XKR4: variants seen among roughly 807,000 people sequenced by gnomAD.
XKR4 encodes the protein XK-related protein 4.
Under a neutral mutation model 53.9 loss-of-function variants are expected in XKR4, and 12 were observed. That is an observed-to-expected ratio of 0.22 (90% CI 0.14 to 0.36). The LOEUF is 0.36. Ranked by LOEUF, XKR4 falls within the 10% of genes least tolerant of loss-of-function variation. XKR4 has a pLI of 1.00. For synonymous variants in XKR4, 354 were observed against 362.4 expected, an observed-to-expected ratio of 0.98 and a Z score of 0.26; for missense variants, 799 against 859.5, an observed-to-expected ratio of 0.93 and a Z score of 0.88.
chr8:55,130,602 C>T (rs960745732), intron 1 of XKR4, among the ~76,000 whole-genome samples: 2 of 152,194 alleles, frequency 1.3e-5, no homozygotes, highest in Non-Finnish European at 2.9e-5. Context: ...GACAGAGCCT[C>T]AGTTTGCAAT....
chr8:55,308,906 T>A (rs1288604255), intron 1 of XKR4, among the ~76,000 whole-genome samples: 1 of 152,146 alleles, frequency 6.6e-6, no homozygotes, highest in Non-Finnish European at 1.5e-5. Flanking sequence ...ATGGAGAGAT[T>A]CTCCTGGATT....
intron 1 of XKR4, among the ~76,000 whole-genome samples, chr8:55,346,993 C>T (rs1351516755): frequency 2.0e-5 from 3 of 152,098 alleles, no homozygotes; most frequent in African/African-American, 7.2e-5. Context: ...ATGTAACACT[C>T]GGTCAAATCT....
chr8:55,415,398 G>A (rs760608983), intron 2 of XKR4, among the ~76,000 whole-genome samples: 3 of 152,156 alleles, frequency 2.0e-5, no homozygotes, highest in African/African-American at 7.2e-5. Context: ...AAAAAGTAAT[G>A]ATTATGTCAG....
intron 2 of XKR4, among the ~76,000 whole-genome samples, chr8:55,401,559 C>T (rs983916580): frequency 1.6e-4 from 24 of 152,192 alleles, no homozygotes; most frequent in Non-Finnish European, 2.2e-4. Context: ...TGCAGAACCT[C>T]CTTGGGGATT....
intron 1 of XKR4, among the ~76,000 whole-genome samples, chr8:55,296,013 CAG>C (rs1254859574): frequency 1.3e-5 from 2 of 152,058 alleles, no homozygotes; most frequent in Non-Finnish European, 2.9e-5. Context: ...CATAGATAAA[CAG>C]AAGTTTATTT....
intron 2 of XKR4, among the ~76,000 whole-genome samples, chr8:55,429,267 G>GA (rs1197460304): frequency 1.3e-5 from 2 of 152,180 alleles, no homozygotes; most frequent in African/African-American, 4.8e-5. Flanking sequence ...TCTTATACAA[G>GA]AATTAATTCA....
rs542256933 is a variant in XKR4, at chr8:55,442,427, A to G, written c.1007-80854A>G. The stretch of plus-strand genomic sequence containing the variant: ...TGTTTTGGAAAACAGTTTGAAACAC[A>G]GTTCCTCAAAAAGCTAAACACAGAG... On this transcript the variant is annotated intron_variant, in intron 2 of 2. Coordinates refer to ENST00000327381, the MANE Select transcript of XKR4 (RefSeq NM_052898.2). Among the ~76,000 whole-genome samples the G allele has an allele frequency of 2.3e-3, 355 of 152,352 alleles. 4 individuals carry two copies. The highest frequency in any genetic ancestry group is 8.0e-3 in the African/African-American group (331 of 41,582).
At position 55,331,507 on chromosome 8, in the gene XKR4, C is replaced by G. The variant is rs575820241; in HGVS notation, c.807-26171C>G. Among the ~76,000 whole-genome samples the G allele has an allele frequency of 1.0e-3, 156 of 151,914 alleles. 2 individuals are homozygous for G. Among genetic ancestry groups the G allele is most frequent in the African/African-American group, 3.5e-3 (145 of 41,484 alleles). On this transcript the variant is annotated intron_variant, in intron 1 of 2. Coordinates refer to ENST00000327381, the MANE Select transcript of XKR4 (RefSeq NM_052898.2). ...TCAAATCTTCTATTTCCTTGTTCAT[C>G]TTTTTTTTAGTGCTCTATCCATTAC...
At chr8:55,341,053 GTC>G in intron 1 of XKR4, among the ~76,000 whole-genome samples, 1 of 152,192 alleles carries the variant, frequency 6.6e-6, no homozygotes, top group Non-Finnish European at 1.5e-5. Flanking sequence ...GAGGATTTAT[GTC>G]TAGAGAAAGA....
chr8:55,293,280 A>G (rs1819056343), intron 1 of XKR4, among the ~76,000 whole-genome samples: 1 of 152,188 alleles, frequency 6.6e-6, no homozygotes, highest in Non-Finnish European at 1.5e-5. Context: ...GGTTGCAGTG[A>G]GCCGAGATTG....
At chr8:55,454,103 G>C in intron 2 of XKR4, 1 of 826,540 alleles carries the variant, frequency 1.2e-6, no homozygotes, top group Non-Finnish European at 2.1e-6. Flanking sequence ...GGAGGGGGAC[G>C]TCATGGGTGG....
At chr8:55,320,270 C>T (rs1215433960) in intron 1 of XKR4, among the ~76,000 whole-genome samples, 2 of 152,128 alleles carry the variant, frequency 1.3e-5, no homozygotes, top group Non-Finnish European at 2.9e-5. Context: ...TCAGAACTTG[C>T]TTGACTTCTG....
chr8:55,166,472 C>T (rs904282798), intron 1 of XKR4, among the ~76,000 whole-genome samples: 1 of 152,178 alleles, frequency 6.6e-6, no homozygotes, highest in Non-Finnish European at 1.5e-5. Flanking sequence ...ACTGTGGATA[C>T]AGCAGCAAAA....
At chr8:55,197,165 A>G (rs1026702095) in intron 1 of XKR4, among the ~76,000 whole-genome samples, 2 of 152,152 alleles carry the variant, frequency 1.3e-5, no homozygotes, top group African/African-American at 4.8e-5. Flanking sequence ...TTGGGGTAAT[A>G]CCATAAAAGC....
chr8:55,449,552 T>C, intron 2 of XKR4: 1 of 1,487,014 alleles, frequency 6.7e-7, no homozygotes, highest in Non-Finnish European at 9.4e-7. Flanking sequence ...CACCCACTGC[T>C]GGGCTGAGGG....
intron 1 of XKR4, among the ~76,000 whole-genome samples, chr8:55,210,572 G>C (rs1246218380): frequency 1.3e-5 from 2 of 152,162 alleles, no homozygotes; most frequent in Non-Finnish European, 2.9e-5. Flanking sequence ...ATTATAAAAA[G>C]AAGAAAAACT....
At chr8:55,364,756 C>T (rs1048166687) in intron 2 of XKR4, among the ~76,000 whole-genome samples, 3 of 152,260 alleles carry the variant, frequency 2.0e-5, no homozygotes, top group African/African-American at 7.2e-5. Context: ...CCTCAGCCTC[C>T]TGAGTAGCTG....
chr8:55,381,050 C>A (rs1242525897), intron 2 of XKR4, among the ~76,000 whole-genome samples: 1 of 152,076 alleles, frequency 6.6e-6, no homozygotes, highest in African/African-American at 2.4e-5. Flanking sequence ...GATGCTGATG[C>A]ATTAAATGTC....
chr8:55,199,876 G>A (rs1817556211), intron 1 of XKR4, among the ~76,000 whole-genome samples: 1 of 152,130 alleles, frequency 6.6e-6, no homozygotes, highest in Non-Finnish European at 1.5e-5. Flanking sequence ...TGTTGGGTAG[G>A]TACTATTATT....
Sources: gnomAD v4.1 joint callset for allele counts (sites outside exome capture counted in the v4.1 genomes callset) on GRCh38, gnomAD v4.1.1 for gene constraint, MANE v1.5 for transcripts, NCBI Gene and HGNC (gene_info 2026-07-23, HGNC 2026-07-21) for gene names.